Variants in NRXN1 observed in about 807,000 individuals in gnomAD.
NRXN1 encodes neurexin 1, also known as neurexin-1.
NRXN1 carries 39 observed loss-of-function variants against 150.9 expected under a neutral mutation model. The observed-to-expected ratio is 0.26, with a 90% CI of 0.20 to 0.34. The LOEUF is 0.34. NRXN1 is among the 10% of genes least tolerant of loss of function. NRXN1 has a pLI of 1.00. For missense variants in NRXN1, 1,815 were observed against 1,949.9 expected (o/e 0.93, Z 1.30); for synonymous variants, 924 against 757.0 (o/e 1.22, Z -3.62).
chr2:50,862,677 T>C (rs1032913270), intron 5 of NRXN1, among the ~76,000 whole-genome samples: 2 of 152,096 alleles, frequency 1.3e-5, no homozygotes, highest in African/African-American at 4.8e-5. Context: ...CTGCTGTTTA[T>C]TGAGTACCTA....
At chr2:50,967,077 T>C (rs1036247008) in intron 2 of NRXN1, among the ~76,000 whole-genome samples, 2 of 151,978 alleles carry the variant, frequency 1.3e-5, no homozygotes, top group African/African-American at 4.8e-5. Flanking sequence ...TAAAAGTTGT[T>C]TTAAGTAAAC....
At chr2:50,649,136 T>C (rs1365977643) in intron 5 of NRXN1, among the ~76,000 whole-genome samples, 1 of 151,984 alleles carries the variant, frequency 6.6e-6, no homozygotes, top group Non-Finnish European at 1.5e-5. Context: ...ATAGGACTGA[T>C]GAACAATAGT....
At position 50,587,591 on chromosome 2, in the gene NRXN1, T is replaced by C. The variant is rs148234839; in HGVS notation, c.1320+32431A>G. On this transcript the variant is annotated intron_variant, in intron 8 of 22. Coordinates refer to ENST00000401669, the MANE Select transcript of NRXN1 (RefSeq NM_001330078.2). Reference sequence around the variant, plus strand: ...AGGTGAAGTTAAGTGGTTCAAAAACTGTATTTAATTTCTGAATTATAGTTA... The same window carrying C: ...AGGTGAAGTTAAGTGGTTCAAAAACCGTATTTAATTTCTGAATTATAGTTA... Among the ~76,000 whole-genome samples the C allele has an allele frequency of 1.2e-4, 19 of 152,316 alleles. No homozygotes were observed. In the East Asian group the frequency reaches 1.9e-3, roughly 15 times the overall value.
chr2:51,000,281 C>T (rs2105079085), intron 2 of NRXN1, among the ~76,000 whole-genome samples: 1 of 152,122 alleles, frequency 6.6e-6, no homozygotes, highest in Non-Finnish European at 1.5e-5. Flanking sequence ...TCTCTATGTC[C>T]TTATCCTGCT....
chr2:50,712,340 T>G (rs1695277581), intron 5 of NRXN1, among the ~76,000 whole-genome samples: 1 of 152,096 alleles, frequency 6.6e-6, no homozygotes, highest in Admixed American at 6.6e-5. Context: ...TAAAAAAAAT[T>G]GTTCAAGCAC....
At chr2:51,015,302 G>C (rs1204596791) in intron 2 of NRXN1, among the ~76,000 whole-genome samples, 1 of 151,834 alleles carries the variant, frequency 6.6e-6, no homozygotes, top group Non-Finnish European at 1.5e-5. Flanking sequence ...AACAGCTCAA[G>C]CTTCCCAGCT....
chr2:50,536,987 T>C (rs2093276048), intron 10 of NRXN1, among the ~76,000 whole-genome samples: 1 of 152,180 alleles, frequency 6.6e-6, no homozygotes, highest in African/African-American at 2.4e-5. Context: ...CCTACAATAA[T>C]AACAGCATAT....
chr2:51,024,988 G>T (rs1180358562), intron 2 of NRXN1, among the ~76,000 whole-genome samples: 1 of 152,066 alleles, frequency 6.6e-6, no homozygotes, highest in African/African-American at 2.4e-5. Context: ...TACATGATCT[G>T]TATTGGGAGA....
intron 12 of NRXN1, among the ~76,000 whole-genome samples, chr2:50,516,744 G>A (rs933608253): frequency 2.0e-5 from 2 of 101,774 alleles, no homozygotes; most frequent in African/African-American, 8.4e-5. Context: ...GTCCCATAAA[G>A]AGATGCTTGC....
intron 8 of NRXN1, among the ~76,000 whole-genome samples, chr2:50,614,032 G>A (rs1054752658): frequency 2.6e-5 from 4 of 152,294 alleles, no homozygotes; most frequent in Non-Finnish European, 4.4e-5. Flanking sequence ...AGGAAAAAGT[G>A]AAGTGGGAAA....
chr2:50,281,298 C>T (rs926797712), intron 17 of NRXN1, among the ~76,000 whole-genome samples: 6 of 149,584 alleles, frequency 4.0e-5, no homozygotes, highest in African/African-American at 1.5e-4. Flanking sequence ...GCCTCGGTGA[C>T]AGAGCAAGAC....
At chr2:50,508,274 C>A (rs540199513) in intron 12 of NRXN1, among the ~76,000 whole-genome samples, 1 of 152,070 alleles carries the variant, frequency 6.6e-6, no homozygotes, top group Admixed American at 6.6e-5. Flanking sequence ...AATTAAATTA[C>A]AACTCCAGAT....
intron 2 of NRXN1, among the ~76,000 whole-genome samples, chr2:50,934,126 T>C (rs1310279521): frequency 1.3e-5 from 2 of 152,148 alleles, no homozygotes; most frequent in Admixed American, 6.6e-5. Context: ...AGTACCAGCA[T>C]GTGTGTATCT....
chr2:50,472,275 G>A (rs201168364), intron 16 of NRXN1, 23 bp downstream of exon 16: 4 of 1,519,286 alleles, frequency 2.6e-6, no homozygotes, highest in Non-Finnish European at 2.7e-6. Context: ...ATTATTTAGA[G>A]CATGATGACA....
intron 5 of NRXN1, chr2:50,917,383 T>C (rs1257167419): frequency 6.6e-6 from 1 of 151,746 alleles, no homozygotes; most frequent in African/African-American, 2.4e-5. Flanking sequence ...AAAACAAATA[T>C]GCATTAGGAT....
chr2:50,845,083 T>C (rs1464880779), intron 5 of NRXN1, among the ~76,000 whole-genome samples: 1 of 152,102 alleles, frequency 6.6e-6, no homozygotes, highest in Admixed American at 6.5e-5. Context: ...CTTGAACTCC[T>C]AGGTTCAAGT....
intron 5 of NRXN1, among the ~76,000 whole-genome samples, chr2:50,834,139 C>G (rs995838934): frequency 1.3e-5 from 2 of 152,084 alleles, no homozygotes; most frequent in African/African-American, 4.8e-5. Context: ...TCACTGACTA[C>G]CCAGCTGGGC....
chr2:50,645,574 T>C (rs1684704482), intron 5 of NRXN1, among the ~76,000 whole-genome samples: 1 of 152,024 alleles, frequency 6.6e-6, no homozygotes, highest in African/African-American at 2.4e-5. Flanking sequence ...TGTTTACCAC[T>C]GCATCCCAGG....
intron 17 of NRXN1, among the ~76,000 whole-genome samples, chr2:50,402,125 C>T (rs1165948941): frequency 2.0e-5 from 3 of 152,036 alleles, no homozygotes; most frequent in Non-Finnish European, 4.4e-5. Context: ...TTATCTATTA[C>T]TGTTTGGAAA....
Sources: allele counts gnomAD v4.1 joint callset (sites outside exome capture counted in the v4.1 genomes callset), GRCh38; gene constraint gnomAD v4.1.1; transcripts MANE v1.5; gene names NCBI Gene and HGNC (gene_info 2026-07-23, HGNC 2026-07-21).